KCNK9: variants seen among roughly 807,000 people sequenced by gnomAD.
KCNK9 encodes the protein potassium channel subfamily K member 9.
In KCNK9, 1 loss-of-function variant was observed where a neutral mutation model predicts 10.8. The observed-to-expected ratio is 0.09, with a 90% CI of 0.03 to 0.44. The LOEUF is 0.44. KCNK9 is among the 20% of genes least tolerant of loss of function. KCNK9 has a pLI of 0.97. For synonymous variants in KCNK9, 231 were observed against 222.7 expected, an observed-to-expected ratio of 1.04 and a Z score of -0.33; for missense variants, 303 against 515.0, an observed-to-expected ratio of 0.59 and a Z score of 3.98.
chr8:139,654,578 GA>G (rs1269118387), intron 1 of KCNK9, among the ~76,000 whole-genome samples: 2 of 152,252 alleles, frequency 1.3e-5, no homozygotes, highest in Non-Finnish European at 2.9e-5. Flanking sequence ...GCGACAGGCA[GA>G]TTCTGCGGTA....
chr8:139,621,997 C>T (rs1180548706), intron 1 of KCNK9, among the ~76,000 whole-genome samples: 3 of 152,192 alleles, frequency 2.0e-5, no homozygotes, highest in African/African-American at 7.2e-5. Flanking sequence ...TCTGTTCCTG[C>T]TAGTAAAAAT....
chr8:139,702,607 G>T lies in KCNK9; in HGVS notation c.283+103C>A. On this transcript the variant is annotated intron_variant, in intron 1 of 1. Transcript: ENST00000520439. The surrounding 1 kb of genome is among the most constrained non-coding windows in gnomAD (Gnocchi z 7.5). Reference sequence around the variant, plus strand: ...CGGGAAGGCCCCCAAGGGAGGCTGCGTTTAACCCTCGACGCCCTGCACCCA... The same window carrying T: ...CGGGAAGGCCCCCAAGGGAGGCTGCTTTTAACCCTCGACGCCCTGCACCCA... 1 of 1,248,452 alleles carries T rather than the reference G, an allele frequency of 8.0e-7. No homozygotes were observed. Among genetic ancestry groups the T allele is most frequent in the Non-Finnish European group, 1.1e-6 (1 of 914,244 alleles). The allele number at this position is 1,248,452 out of a possible 1,614,324, so 77.3% of individuals were successfully genotyped here. A position where few individuals can be genotyped will look rare whatever the true frequency, so the allele number is the denominator to read the frequency against.
chr8:139,604,053 T>C (rs1368498987), intron 2 of KCNK9, among the ~76,000 whole-genome samples: 1 of 152,142 alleles, frequency 6.6e-6, no homozygotes, highest in East Asian at 1.9e-4. Context: ...CAGGAAGTTC[T>C]CCTTCAGGGC....
chr8:139,624,788 C>A (rs1186697758), intron 1 of KCNK9, among the ~76,000 whole-genome samples: 1 of 152,222 alleles, frequency 6.6e-6, no homozygotes, highest in Non-Finnish European at 1.5e-5. Flanking sequence ...GCAACTGACA[C>A]CCGGGGGCCG....
chr8:139,629,184 C>T (rs961255701), intron 1 of KCNK9, among the ~76,000 whole-genome samples: 18 of 152,228 alleles, frequency 1.2e-4, no homozygotes, highest in African/African-American at 4.3e-4. Flanking sequence ...GTTACATGTG[C>T]TTCTCCTTTA....
intron 1 of KCNK9, among the ~76,000 whole-genome samples, chr8:139,662,852 A>C: frequency 2.6e-5 from 1 of 38,652 alleles, no homozygotes; most frequent in Admixed American, 3.3e-4. Context: ...GGGAGAAGGG[A>C]GGAAGGGGAG....
chr8:139,663,683 T>TTAG (rs1491113981), intron 1 of KCNK9, among the ~76,000 whole-genome samples: 1 of 74,414 alleles, frequency 1.3e-5, no homozygotes, highest in Non-Finnish European at 2.6e-5. Flanking sequence ...GTGTGTGTGT[T>TTAG]AGAGAGAGAG....
chr8:139,611,319 G>C (rs1472144303), downstream of KCNK9: 1 of 152,288 alleles, frequency 6.6e-6, no homozygotes, highest in African/African-American at 2.4e-5. Context: ...AGCTCAGAGA[G>C]GCAAAACCAC....
intron 1 of KCNK9, among the ~76,000 whole-genome samples, chr8:139,681,745 A>G (rs938988148): frequency 6.6e-6 from 1 of 152,176 alleles, no homozygotes; most frequent in African/African-American, 2.4e-5. Context: ...ATCTCACATC[A>G]TGGTGTGGGG....
chr8:139,647,809 C>T (rs554052339), intron 1 of KCNK9, among the ~76,000 whole-genome samples: 4 of 152,296 alleles, frequency 2.6e-5, no homozygotes, highest in South Asian at 2.1e-4. Flanking sequence ...TCTCCCGTTC[C>T]GCCCTTACCC....
chr8:139,701,758 T>C (rs1157333485), intron 1 of KCNK9, among the ~76,000 whole-genome samples: 2 of 152,072 alleles, frequency 1.3e-5, no homozygotes, highest in African/African-American at 2.4e-5. Flanking sequence ...TGAAGGTACC[T>C]GCCCCAGCTC....
chr8:139,647,250 C>A (rs1338017268), intron 1 of KCNK9, among the ~76,000 whole-genome samples: 1 of 152,204 alleles, frequency 6.6e-6, no homozygotes, highest in Non-Finnish European at 1.5e-5. Flanking sequence ...CCCAGGCTCC[C>A]CATTGCCAGG....
At chr8:139,628,499 C>A (rs549336298) in intron 1 of KCNK9, among the ~76,000 whole-genome samples, 1 of 152,182 alleles carries the variant, frequency 6.6e-6, no homozygotes, top group Non-Finnish European at 1.5e-5. Context: ...TTGTTCATGC[C>A]GACCAGGCAG....
intron 1 of KCNK9, among the ~76,000 whole-genome samples, chr8:139,652,080 T>G (rs1815882888): frequency 6.6e-6 from 1 of 152,200 alleles, no homozygotes; most frequent in Admixed American, 6.5e-5. Context: ...CTTCCCCATC[T>G]TGTGAATGCC....
chr8:139,625,122 G>A (rs980825194), intron 1 of KCNK9, among the ~76,000 whole-genome samples: 6 of 151,684 alleles, frequency 4.0e-5, no homozygotes, highest in Non-Finnish European at 5.9e-5. Context: ...CCTCTGAGCC[G>A]AGCCCCACCT....
At chr8:139,670,140 G>C (rs996756620) in intron 1 of KCNK9, among the ~76,000 whole-genome samples, 8 of 152,156 alleles carry the variant, frequency 5.3e-5, no homozygotes, top group Admixed American at 3.3e-4. Context: ...TAGAATTAGG[G>C]GGAATGGCTG....
At position 139,617,598 on chromosome 8, in the gene KCNK9, G is replaced by T. The variant is rs1000274112; in HGVS notation, c.*660C>A. Among the ~76,000 whole-genome samples, 5 of 152,152 alleles carry T rather than the reference G, an allele frequency of 3.3e-5. No individual in the cohort carries two copies. Among genetic ancestry groups the T allele is most frequent in the Admixed American group, 6.6e-5 (1 of 15,264 alleles). On this transcript the variant is annotated 3_prime_UTR_variant, in exon 2 of 2. Coordinates refer to ENST00000520439, the MANE Select transcript of KCNK9 (RefSeq NM_001282534.2). ...TATGGCCATGACACATCAGGGATAA[G>T]AACTGCTTAATGAAACATGCTTGAT... is the stretch of plus-strand genomic sequence containing the variant.
At chr8:139,697,938 G>T (rs1012770672) in intron 1 of KCNK9, among the ~76,000 whole-genome samples, 2 of 152,156 alleles carry the variant, frequency 1.3e-5, no homozygotes, top group African/African-American at 4.8e-5. Flanking sequence ...CCCCAGCATG[G>T]CCAGCTACCC....
At chr8:139,654,343 T>G (rs951850304) in intron 1 of KCNK9, among the ~76,000 whole-genome samples, 1 of 152,184 alleles carries the variant, frequency 6.6e-6, no homozygotes, top group Non-Finnish European at 1.5e-5. Context: ...AGAGCAGAGC[T>G]GCTGAACAGG....
Sources: allele counts gnomAD v4.1 joint callset (sites outside exome capture counted in the v4.1 genomes callset), GRCh38; gene constraint gnomAD v4.1.1; non-coding constraint Gnocchi (gnomAD v3.1); transcripts MANE v1.5; gene names NCBI Gene and HGNC (gene_info 2026-07-23, HGNC 2026-07-21).